Variants in FAM184B observed in about 807,000 individuals in gnomAD.
FAM184B encodes the protein protein FAM184B.
Under a neutral mutation model 135.9 loss-of-function variants are expected in FAM184B, and 111 were observed. That is an observed-to-expected ratio of 0.82 (90% CI 0.70 to 0.96). The LOEUF is 0.96. Among genes scored for constraint, FAM184B ranks in the 40% least tolerant of loss-of-function variants. The pLI is 0.00. For synonymous variants in FAM184B, 552 were observed against 524.8 expected (o/e 1.05, Z -0.71); for missense variants, 1,375 against 1,323.9 (o/e 1.04, Z -0.60).
At chr4:17,761,692 T>C (rs963545944) in intron 1 of FAM184B, among the ~76,000 whole-genome samples, 14 of 152,340 alleles carry the variant, frequency 9.2e-5, no homozygotes, top group Non-Finnish European at 1.6e-4. Flanking sequence ...AGCTAATTTT[T>C]GTATTTTTAT....
At chr4:17,767,010 G>C (rs748124586) in intron 1 of FAM184B, among the ~76,000 whole-genome samples, 4 of 152,186 alleles carry the variant, frequency 2.6e-5, no homozygotes, top group Non-Finnish European at 4.4e-5. Context: ...GGCCAGCACT[G>C]CTGGGGGATC....
intron 1 of FAM184B, among the ~76,000 whole-genome samples, chr4:17,767,114 G>A (rs996308010): frequency 3.3e-5 from 5 of 152,266 alleles, no homozygotes; most frequent in South Asian, 2.1e-4. Flanking sequence ...CGGGGCCGCC[G>A]AGCCAACGCC....
intron 1 of FAM184B, among the ~76,000 whole-genome samples, chr4:17,756,593 G>A (rs1255349681): frequency 6.6e-6 from 1 of 152,164 alleles, no homozygotes; most frequent in Admixed American, 6.5e-5. Flanking sequence ...AATAGTTGAT[G>A]AGCAGAAGTT....
chr4:17,639,910 C>A (rs1715258074), intron 13 of FAM184B, among the ~76,000 whole-genome samples: 1 of 151,408 alleles, frequency 6.6e-6, no homozygotes. Context: ...CTCACTGCAA[C>A]CTTCACCTCC....
intron 1 of FAM184B, among the ~76,000 whole-genome samples, chr4:17,718,154 T>C (rs1024569075): frequency 6.6e-6 from 1 of 152,222 alleles, no homozygotes; most frequent in African/African-American, 2.4e-5. Flanking sequence ...AATGACATTA[T>C]GAACCAAAAA....
In FAM184B at chr4:17,745,086, G is replaced by C. The variant is rs142163202; in HGVS notation, c.142-35442C>G. On this transcript the variant is annotated intron_variant, in intron 1 of 17. Transcript: ENST00000265018. ...GTGGTCCTGCCTTCTCTAACCTTCAGGGGGCTGACATCTAGCTCTAACATC... is the reference window on the plus strand; with the variant it reads ...GTGGTCCTGCCTTCTCTAACCTTCACGGGGCTGACATCTAGCTCTAACATC... Among the ~76,000 whole-genome samples, 796 of 152,284 alleles carry C rather than the reference G, an allele frequency of 5.2e-3. 9 individuals carry two copies. Among genetic ancestry groups the C allele is most frequent in the African/African-American group, 0.018 (753 of 41,552 alleles).
chr4:17,672,616 T>C (rs1716204797), intron 7 of FAM184B, among the ~76,000 whole-genome samples: 1 of 152,206 alleles, frequency 6.6e-6, no homozygotes, highest in Admixed American at 6.5e-5. Flanking sequence ...AAATGTTTTT[T>C]CTGTATCTAT....
intron 10 of FAM184B, among the ~76,000 whole-genome samples, chr4:17,657,980 T>G (rs969972166): frequency 1.3e-5 from 2 of 152,128 alleles, no homozygotes; most frequent in Admixed American, 6.6e-5. Flanking sequence ...CTCAATTCTG[T>G]GCTGCTCTCT....
At chr4:17,760,159 A>G (rs1718512948) in intron 1 of FAM184B, among the ~76,000 whole-genome samples, 2 of 152,016 alleles carry the variant, frequency 1.3e-5, no homozygotes, top group African/African-American at 2.4e-5. Context: ...AAATTCATCA[A>G]TCTTGTAGAT....
chr4:17,653,039 CTGACTCCTT>C (rs1425114252), intron 10 of FAM184B, 56 bp from the exon 11 acceptor site: 2 of 1,513,060 alleles, frequency 1.3e-6, no homozygotes, highest in East Asian at 4.9e-5. Flanking sequence ...GGTGGGAGAC[CTGACTCCTT>C]TGCCAAGCTC....
intron 14 of FAM184B, 108 bp from the exon 15 acceptor site, chr4:17,636,753 G>T: frequency 1.0e-6 from 1 of 965,136 alleles, no homozygotes; most frequent in Non-Finnish European, 1.5e-6. Context: ...GCCCGGCCAG[G>T]GAGGCCCAGA....
At chr4:17,632,686 AC>A in intron 17 of FAM184B, 61 bp from the exon 18 acceptor site, 2 of 1,101,968 alleles carry the variant, frequency 1.8e-6, no homozygotes, top group South Asian at 1.4e-5. Context: ...GCAGCTTAAT[AC>A]CCACCATCTT....
At chr4:17,743,937 C>A (rs1718100759) in intron 1 of FAM184B, among the ~76,000 whole-genome samples, 1 of 152,182 alleles carries the variant, frequency 6.6e-6, no homozygotes, top group Admixed American at 6.5e-5. Flanking sequence ...CAGCTGAGTT[C>A]TCATCTGAAG....
intron 5 of FAM184B, among the ~76,000 whole-genome samples, chr4:17,695,558 T>C (rs1716836054): frequency 6.6e-6 from 1 of 152,012 alleles, no homozygotes; most frequent in African/African-American, 2.4e-5. Context: ...GCTGTGGTGG[T>C]AACTGAGGTA....
At chr4:17,636,503 G>T (rs1162530951) in intron 15 of FAM184B, 25 bp downstream of exon 15, 1 of 1,536,614 alleles carries the variant, frequency 6.5e-7, no homozygotes, top group Admixed American at 2.0e-5. Context: ...AGGTGCGTGG[G>T]TGAGGCGCCC....
At chr4:17,652,047 C>G (rs1470267303) in intron 11 of FAM184B, among the ~76,000 whole-genome samples, 1 of 151,384 alleles carries the variant, frequency 6.6e-6, no homozygotes, top group Non-Finnish European at 1.5e-5. Flanking sequence ...GGGTTACATG[C>G]AATAATAATG....
In FAM184B at chr4:17,629,525, A is replaced by G. The variant is rs1714863029; in HGVS notation, c.*3007T>C. 1.3e-5 allele frequency: 2 copies of G among 152,142 alleles called. No homozygotes were observed. The highest frequency in any genetic ancestry group is 6.6e-5 in the Admixed American group (1 of 15,266). 9.4% of individuals were successfully genotyped at this position (152,142 alleles called of 1,614,324 possible). On this transcript the variant is annotated 3_prime_UTR_variant, in exon 18 of 18. Transcript: ENST00000265018. ...CATTTTTACCTACCCCAATTACAAAACAGTTTGCTTTCATGTGGAACAGAT... is the reference window on the plus strand; with the variant it reads ...CATTTTTACCTACCCCAATTACAAAGCAGTTTGCTTTCATGTGGAACAGAT...
In FAM184B at chr4:17,647,555, C is replaced by T. The variant is rs1267386144; in HGVS notation, c.2346+82G>A. On this transcript the variant is annotated intron_variant, in intron 12 of 17. Transcript: ENST00000265018. ...TGAGCCACTGCACTCAGCCTCAGAG[C>T]CCATCCTTTATGGGGCTTCTTACTG... is the stretch of plus-strand genomic sequence containing the variant. 28 of 1,464,788 alleles carry T rather than the reference C, an allele frequency of 1.9e-5. No homozygotes were observed. In the South Asian group the frequency reaches 3.7e-4, roughly 20 times the overall value. The allele number at this position is 1,464,788 out of a possible 1,614,324, so 90.7% of individuals were successfully genotyped here.
chr4:17,656,496 G>A (rs1288080868), intron 10 of FAM184B, among the ~76,000 whole-genome samples: 1 of 152,068 alleles, frequency 6.6e-6, no homozygotes, highest in Non-Finnish European at 1.5e-5. Context: ...CTGCCTCCCA[G>A]GTTCAAGCAA....
Sources: gnomAD v4.1 joint callset for allele counts (sites outside exome capture counted in the v4.1 genomes callset) on GRCh38, gnomAD v4.1.1 for gene constraint, MANE v1.5 for transcripts, NCBI Gene and HGNC (gene_info 2026-07-23, HGNC 2026-07-21) for gene names.